The following ANKRD11 variants were observed in gnomAD, a reference collection of about 807,000 sequenced individuals.
ANKRD11 encodes the protein ankyrin repeat domain 11.
ANKRD11 carries 17 observed loss-of-function variants against 195.7 expected under a neutral mutation model. The observed-to-expected ratio is 0.09, with a 90% CI of 0.06 to 0.13. ANKRD11 has a LOEUF of 0.13. ANKRD11 is among the 10% of genes least tolerant of loss of function. The pLI is 1.00. For missense variants in ANKRD11, 3,735 were observed against 3,566.1 expected, an observed-to-expected ratio of 1.05 and a Z score of -1.21; for synonymous variants, 1,953 against 1,528.1, an observed-to-expected ratio of 1.28 and a Z score of -6.49.
chr16:89,405,138 G>A (rs1373943214), intron 2 of ANKRD11, among the ~76,000 whole-genome samples: 1 of 152,072 alleles, frequency 6.6e-6, no homozygotes, highest in Non-Finnish European at 1.5e-5. Context: ...AGGTTGCGGT[G>A]AGTGGAGATC....
At chr16:89,420,286 A>G (rs1459305833) in intron 1 of ANKRD11, 1 of 152,198 alleles carries the variant, frequency 6.6e-6, no homozygotes, top group Non-Finnish European at 1.5e-5. Flanking sequence ...AAGCATCATG[A>G]GTCCAACGAT....
chr16:89,269,658 C>T (rs2032964689), intron 12 of ANKRD11, among the ~76,000 whole-genome samples: 1 of 152,028 alleles, frequency 6.6e-6, no homozygotes, highest in Non-Finnish European at 1.5e-5. Context: ...GGCTGGAGTG[C>T]AGTGGTGCAA....
At chr16:89,352,994 T>C (rs1009892250) in intron 2 of ANKRD11, among the ~76,000 whole-genome samples, 7 of 152,224 alleles carry the variant, frequency 4.6e-5, no homozygotes, top group Non-Finnish European at 8.8e-5. Context: ...TTGAATATAT[T>C]AACTTTACAG....
intron 9 of ANKRD11, among the ~76,000 whole-genome samples, chr16:89,275,492 C>T (rs994760134): frequency 1.3e-5 from 2 of 152,214 alleles, no homozygotes; most frequent in African/African-American, 4.8e-5. Flanking sequence ...GCCTGAAACA[C>T]CGGCATGAGC....
At position 89,317,235 on chromosome 16, in the gene ANKRD11, G is replaced by A. The variant is rs77615396; in HGVS notation, c.-59-157C>T. Among the ~76,000 whole-genome samples the A allele has an allele frequency of 3.8e-3, 582 of 152,336 alleles. 2 individuals are homozygous for A. The highest frequency in any genetic ancestry group is 0.014 in the African/African-American group (562 of 41,566). ...CCAGGCCCAGGAAGGGACTTCTCAG[G>A]ATACGCCTCCCATAAAGGGGTCACC... On this transcript the variant is annotated intron_variant, in intron 2 of 12. Coordinates refer to ENST00000301030, the MANE Select transcript of ANKRD11 (RefSeq NM_013275.6).
intron 11 of ANKRD11, chr16:89,273,020 G>C (rs1390327212): frequency 5.1e-5 from 7 of 138,350 alleles, no homozygotes. Context: ...GGCTGGCAGG[G>C]AGGTAGAAGT....
chr16:89,358,275 G>C (rs1431371236), intron 2 of ANKRD11, among the ~76,000 whole-genome samples: 1 of 152,242 alleles, frequency 6.6e-6, no homozygotes, highest in Non-Finnish European at 1.5e-5. Context: ...AAGACGTAGA[G>C]CACACAGGCG....
intron 2 of ANKRD11, among the ~76,000 whole-genome samples, chr16:89,415,560 G>A (rs1393231453): frequency 1.3e-5 from 2 of 151,504 alleles, no homozygotes; most frequent in South Asian, 2.1e-4. Flanking sequence ...CACTGCGCCC[G>A]GCAAGCTATT....
At chr16:89,384,508 T>A (rs1473609516) in intron 2 of ANKRD11, among the ~76,000 whole-genome samples, 1 of 149,704 alleles carries the variant, frequency 6.7e-6, no homozygotes, top group African/African-American at 2.5e-5. Flanking sequence ...TGGGACAGGA[T>A]GGGACGACAT....
intron 3 of ANKRD11, among the ~76,000 whole-genome samples, chr16:89,310,666 C>T (rs1264552863): frequency 2.6e-5 from 4 of 152,336 alleles, no homozygotes; most frequent in East Asian, 1.9e-4. Context: ...AGCACATCTT[C>T]GGTCAAATTT....
chr16:89,274,767 G>T (rs770230623), intron 11 of ANKRD11, 47 bp downstream of exon 11: 3 of 1,602,638 alleles, frequency 1.9e-6, no homozygotes, highest in African/African-American at 1.3e-5. Flanking sequence ...AGGCGGGCAG[G>T]GTGCAGGCAC....
intron 2 of ANKRD11, among the ~76,000 whole-genome samples, chr16:89,318,151 G>A (rs1744785456): frequency 1.3e-5 from 2 of 152,186 alleles, no homozygotes; most frequent in Non-Finnish European, 2.9e-5. Context: ...CACGGTGCGA[G>A]CGCACTTCTT....
At chr16:89,388,834 T>C (rs1243735296) in intron 2 of ANKRD11, among the ~76,000 whole-genome samples, 2 of 152,168 alleles carry the variant, frequency 1.3e-5, no homozygotes, top group African/African-American at 2.4e-5. Context: ...CGGGGAATGA[T>C]GAACCCAAAA....
At chr16:89,298,737 G>T (rs1597516064) in intron 4 of ANKRD11, 1 of 152,124 alleles carries the variant, frequency 6.6e-6, no homozygotes, top group African/African-American at 2.4e-5. Context: ...TGCGGCTTGG[G>T]GATTACAGAA....
intron 2 of ANKRD11, among the ~76,000 whole-genome samples, chr16:89,376,705 C>T (rs544116976): frequency 1.3e-5 from 2 of 152,348 alleles, no homozygotes; most frequent in East Asian, 3.9e-4. Context: ...TCCCTAAGTG[C>T]TGGGATTACA....
At chr16:89,333,355 C>A (rs1567662018) in intron 2 of ANKRD11, among the ~76,000 whole-genome samples, 3 of 152,294 alleles carry the variant, frequency 2.0e-5, no homozygotes. Context: ...CAGCTGAGAC[C>A]CCCCTGGACA....
At chr16:89,326,669 G>A (rs1392778557) in intron 2 of ANKRD11, among the ~76,000 whole-genome samples, 1 of 152,174 alleles carries the variant, frequency 6.6e-6, no homozygotes, top group East Asian at 1.9e-4. Context: ...TTGGGCCCAG[G>A]AGGTCGAGGC....
rs1022691522 is a variant in ANKRD11, at chr16:89,359,969, CG to C, written c.-59-42892del. 5.4e-5 allele frequency among the ~76,000 whole-genome samples: 8 copies of C among 148,216 alleles called. No individual in the cohort carries two copies. In the South Asian group the frequency reaches 8.6e-4, roughly 16 times the overall value. ...TAAGTAAACACATGTCGGCAGTGGG[CG>C]GGGGGGGAGGTTGTACGTGTTATTC... On this transcript the variant is annotated intron_variant, in intron 2 of 12. Transcript: ENST00000301030.
chr16:89,316,801 C>T lies in ANKRD11; in HGVS notation c.87+132G>A, dbSNP rs1266491072. ...ATCACTCCTCACCACCCTCTCCACT[C>T]CTGGCTGCAGACAGAGGCACGAGGA... On this transcript the variant is annotated intron_variant, in intron 3 of 12. Coordinates refer to ENST00000301030, the MANE Select transcript of ANKRD11 (RefSeq NM_013275.6). The T allele has an allele frequency of 7.1e-6, 8 of 1,123,188 alleles. No homozygotes were observed. In the East Asian group the frequency reaches 1.8e-4, roughly 25 times the overall value. 69.6% of individuals were successfully genotyped at this position (1,123,188 alleles called of 1,614,324 possible).
Sources: gnomAD v4.1 joint callset for allele counts (sites outside exome capture counted in the v4.1 genomes callset) on GRCh38, gnomAD v4.1.1 for gene constraint, MANE v1.5 for transcripts, NCBI Gene and HGNC (gene_info 2026-07-23, HGNC 2026-07-21) for gene names.